The following MYO16 variants were observed in gnomAD, a reference collection of about 807,000 sequenced individuals.
MYO16 encodes the protein unconventional myosin-XVI.
MYO16 carries 94 observed loss-of-function variants against 205.3 expected under a neutral mutation model. The ratio of observed to expected loss-of-function variants is 0.46; its 90% confidence interval spans 0.39 to 0.54. The LOEUF (loss-of-function observed/expected upper bound fraction) is 0.54, where lower values mean the gene tolerates loss of function less well. MYO16 is among the 20% of genes least tolerant of loss of function. MYO16 has a pLI of 0.00. For missense variants in MYO16, 2,315 were observed against 2,387.5 expected, an observed-to-expected ratio of 0.97 and a Z score of 0.63; for synonymous variants, 988 against 954.0, an observed-to-expected ratio of 1.04 and a Z score of -0.66.
At chr13:108,954,748 A>T (rs1883283546) in intron 16 of MYO16, among the ~76,000 whole-genome samples, 1 of 152,052 alleles carries the variant, frequency 6.6e-6, no homozygotes, top group South Asian at 2.1e-4. Flanking sequence ...AATAATAGTA[A>T]TAATAATAAT....
At chr13:109,002,527 A>G (rs1031707316) in intron 21 of MYO16, among the ~76,000 whole-genome samples, 1 of 152,190 alleles carries the variant, frequency 6.6e-6, no homozygotes, top group Non-Finnish European at 1.5e-5. Context: ...AAGAGCAAAT[A>G]CTATCTAAGC....
chr13:108,777,527 G>A (rs551525996), intron 4 of MYO16, among the ~76,000 whole-genome samples: 11 of 152,112 alleles, frequency 7.2e-5, no homozygotes, highest in African/African-American at 1.2e-4. Flanking sequence ...GGAAATTCAC[G>A]GAGGCTGGTT....
intron 3 of MYO16, among the ~76,000 whole-genome samples, chr13:108,721,271 C>T (rs565641888): frequency 1.1e-4 from 16 of 152,200 alleles, no homozygotes; most frequent in Non-Finnish European, 1.9e-4. Flanking sequence ...GCTCTCTCGT[C>T]ACTTTGCTCT....
At chr13:109,023,007 A>AC (rs1359880162) in intron 23 of MYO16, among the ~76,000 whole-genome samples, 5 of 135,064 alleles carry the variant, frequency 3.7e-5, no homozygotes, top group Non-Finnish European at 7.6e-5. Flanking sequence ...TTATATATAC[A>AC]CATGTAAATG....
intron 1 of MYO16, among the ~76,000 whole-genome samples, chr13:108,644,046 G>C (rs1470250318): frequency 6.6e-6 from 1 of 152,208 alleles, no homozygotes; most frequent in East Asian, 1.9e-4. Flanking sequence ...TCCTTCCACT[G>C]TGTCCATTAT....
chr13:109,206,869 C>T lies in MYO16; in HGVS notation c.*33C>T. On this transcript the variant is annotated 3_prime_UTR_variant, in exon 35 of 35. Transcript: ENST00000457511. ...TGAACTGCAGACTTACAAAATAGAA[C>T]TGCCTACTGATTCCGGGCTGCAACA... The T allele has an allele frequency of 6.3e-7, 1 of 1,582,900 alleles. No individual in the cohort carries two copies. The highest frequency in any genetic ancestry group is 8.6e-7 in the Non-Finnish European group (1 of 1,156,486).
At chr13:108,614,601 A>T (rs766830115) in intron 1 of MYO16, among the ~76,000 whole-genome samples, 2 of 152,114 alleles carry the variant, frequency 1.3e-5, no homozygotes, top group Non-Finnish European at 2.9e-5. Flanking sequence ...AATCAAAACA[A>T]TGTGATACTG....
chr13:108,534,181 G>C, the MYO16 span, among the ~76,000 whole-genome samples: 2 of 152,208 alleles, frequency 1.3e-5, no homozygotes, highest in East Asian at 1.9e-4. Flanking sequence ...TATTGCATCA[G>C]CTATATTAAT....
chr13:108,766,373 G>T (rs1885776792), intron 4 of MYO16, among the ~76,000 whole-genome samples: 1 of 152,224 alleles, frequency 6.6e-6, no homozygotes, highest in Non-Finnish European at 1.5e-5. Flanking sequence ...TTCTGCAGGT[G>T]CACATGCTAC....
intron 3 of MYO16, among the ~76,000 whole-genome samples, chr13:108,720,857 G>C (rs1286809450): frequency 1.3e-5 from 2 of 152,132 alleles, no homozygotes; most frequent in African/African-American, 4.8e-5. Flanking sequence ...TGAATCTTCA[G>C]ACTTGATGTG....
At chr13:109,126,721 C>T (rs750929582) in intron 30 of MYO16, among the ~76,000 whole-genome samples, 9 of 152,170 alleles carry the variant, frequency 5.9e-5, no homozygotes, top group Admixed American at 3.9e-4. Context: ...TAGCTCTGCA[C>T]ATAATTAAAT....
chr13:108,911,502 C>A (rs192306623), intron 16 of MYO16, among the ~76,000 whole-genome samples: 3 of 152,098 alleles, frequency 2.0e-5, no homozygotes, highest in Non-Finnish European at 2.9e-5. Context: ...CCTGAGGAAA[C>A]ATACTCAATG....
intron 32 of MYO16, among the ~76,000 whole-genome samples, chr13:109,142,523 G>A (rs1177152585): frequency 6.6e-6 from 1 of 152,060 alleles, no homozygotes; most frequent in East Asian, 1.9e-4. Context: ...AAGGACCCAA[G>A]GCTACTCCCT....
At chr13:109,182,790 T>G (rs1478396939) in intron 34 of MYO16, among the ~76,000 whole-genome samples, 2 of 152,216 alleles carry the variant, frequency 1.3e-5, no homozygotes, top group Non-Finnish European at 2.9e-5. Flanking sequence ...AAAATATAGT[T>G]GATGTTGTAC....
chr13:108,508,826 G>T, the MYO16 span, among the ~76,000 whole-genome samples: 3 of 152,244 alleles, frequency 2.0e-5, no homozygotes, highest in Non-Finnish European at 4.4e-5. Flanking sequence ...AAAGGTGTTT[G>T]GTTCATATGT....
At chr13:109,023,669 A>AAATATATGTATATATACATATATATG (rs1886221649) in intron 23 of MYO16, among the ~76,000 whole-genome samples, 3 of 66,286 alleles carry the variant, frequency 4.5e-5, no homozygotes, top group African/African-American at 1.5e-4. Context: ...GTATATATGC[A>AAATATATGTATATATACATATATATG]AATATATGTA....
chr13:108,937,361 A>G (rs538177828), intron 16 of MYO16, among the ~76,000 whole-genome samples: 1 of 151,926 alleles, frequency 6.6e-6, no homozygotes, highest in African/African-American at 2.4e-5. Context: ...TTCATTTTAT[A>G]TAATATCTCA....
intron 1 of MYO16, among the ~76,000 whole-genome samples, chr13:108,652,176 CGT>C (rs142592074): frequency 6.6e-5 from 10 of 150,678 alleles, no homozygotes; most frequent in Non-Finnish European, 1.0e-4. Context: ...CATGTGTGCG[CGT>C]GTGTGTGTGT....
intron 4 of MYO16, among the ~76,000 whole-genome samples, chr13:108,739,203 A>G (rs1336978517): frequency 3.3e-5 from 5 of 152,112 alleles, no homozygotes; most frequent in Admixed American, 1.3e-4. Flanking sequence ...TATTTTGCTC[A>G]TTAGTTGATG....
Sources: gnomAD v4.1 joint callset for allele counts (sites outside exome capture counted in the v4.1 genomes callset) on GRCh38, gnomAD v4.1.1 for gene constraint, MANE v1.5 for transcripts, NCBI Gene and HGNC (gene_info 2026-07-23, HGNC 2026-07-21) for gene names.